The following RFC3 variants were observed in gnomAD, a reference collection of about 807,000 sequenced individuals.
RFC3 encodes the protein A1 38 kDa subunit.
In RFC3, 41 loss-of-function variants were observed where a neutral mutation model predicts 45.1. The ratio of observed to expected loss-of-function variants is 0.91; its 90% CI spans 0.71 to 1.18. RFC3 has a LOEUF of 1.18. Among genes scored for constraint, RFC3 ranks in the 50% most tolerant of loss-of-function variants. The pLI, the probability that RFC3 is intolerant of heterozygous loss-of-function variation, is 0.00. For missense variants in RFC3, 423 were observed against 428.1 expected, an observed-to-expected ratio of 0.99 and a Z score of 0.10; for synonymous variants, 149 against 144.0, an observed-to-expected ratio of 1.03 and a Z score of -0.25.
intron 8 of RFC3, among the ~76,000 whole-genome samples, chr13:33,959,941 G>A (rs568874823): frequency 2.6e-4 from 40 of 152,228 alleles, no homozygotes; most frequent in Admixed American, 2.5e-3. Flanking sequence ...TTTACTCATC[G>A]CAGAAAGCAA....
chr13:33,937,119 C>A (rs1201775974), intron 8 of RFC3, among the ~76,000 whole-genome samples: 1 of 152,084 alleles, frequency 6.6e-6, no homozygotes, highest in Non-Finnish European at 1.5e-5. Flanking sequence ...GTTTCAGATA[C>A]GCGAGGGATC....
At chr13:33,923,696 G>A (rs1453534398) in intron 8 of RFC3, among the ~76,000 whole-genome samples, 1 of 152,082 alleles carries the variant, frequency 6.6e-6, no homozygotes, top group East Asian at 1.9e-4. Context: ...ATGCAATGAC[G>A]AGAGGCCAGG....
chr13:33,915,404 A>G (rs1395907851), intron 8 of RFC3, among the ~76,000 whole-genome samples: 1 of 152,146 alleles, frequency 6.6e-6, no homozygotes, highest in East Asian at 1.9e-4. Context: ...AACCTTGTTC[A>G]GTGCGTGGAC....
At chr13:33,958,467 G>C (rs1187418941) in intron 8 of RFC3, among the ~76,000 whole-genome samples, 1 of 152,172 alleles carries the variant, frequency 6.6e-6, no homozygotes, top group Admixed American at 6.5e-5. Flanking sequence ...ATGTGTTTCA[G>C]TATTTTCACA....
At chr13:33,969,149 A>G (rs1234999322), downstream of RFC3, among the ~76,000 whole-genome samples, 1 of 152,144 alleles carries the variant, frequency 6.6e-6, no homozygotes, top group Non-Finnish European at 1.5e-5. Context: ...ATTGCCTTCA[A>G]CTCCTGATGA....
chr13:33,848,768 G>A (rs1358365156), intron 8 of RFC3: 7 of 151,830 alleles, frequency 4.6e-5, no homozygotes, highest in Admixed American at 2.0e-4. Flanking sequence ...AAAAGCATGG[G>A]TGTCATTCAA....
chr13:33,909,034 GA>G (rs552031761), intron 8 of RFC3, among the ~76,000 whole-genome samples: 112 of 152,000 alleles, frequency 7.4e-4, no homozygotes, highest in Non-Finnish European at 1.5e-3. Flanking sequence ...ATCTTATCCA[GA>G]GTAATGTTCT....
chr13:33,878,572 A>C (rs1399423998), intron 8 of RFC3, among the ~76,000 whole-genome samples: 2 of 152,132 alleles, frequency 1.3e-5, no homozygotes, highest in African/African-American at 2.4e-5. Flanking sequence ...CGAATAGTTC[A>C]GTTTGGGACA....
At position 33,821,150 on chromosome 13, in the gene RFC3, C is replaced by T; in HGVS notation, c.106C>T (p.Pro36Ser). The change falls in exon 2 of 9, where the codon CCT (proline) becomes TCT (serine). Residue 36 changes from proline (P) to serine (S), a missense_variant. Physicochemically the swap from Pro to Ser is moderately conservative, Grantham distance 74. Coordinates refer to ENST00000380071, the MANE Select transcript of RFC3 (RefSeq NM_002915.4). ...LRNLVQCGDF[P>S]HLLVYGPSGA... ...TTTTCAGGTGCAGTGTGGTGACTTT[C>T]CTCATCTGTTAGTGTACGGACCATC... 2.5e-6 allele frequency: 4 copies of T among 1,613,224 alleles called. No homozygotes were observed. Among genetic ancestry groups the T allele is most frequent in the Non-Finnish European group, 2.5e-6 (3 of 1,179,626 alleles).
intron 8 of RFC3, among the ~76,000 whole-genome samples, chr13:33,917,931 G>T (rs2082743726): frequency 6.6e-6 from 1 of 151,988 alleles, no homozygotes; most frequent in Admixed American, 6.6e-5. Context: ...GAATCTGAAG[G>T]ATCTGGTTTT....
chr13:33,973,028 C>G, the RFC3 span, among the ~76,000 whole-genome samples: 1 of 152,046 alleles, frequency 6.6e-6, no homozygotes, highest in Non-Finnish European at 1.5e-5. Context: ...AAATCCATAT[C>G]AGCTTTGAAG....
At chr13:33,959,666 C>T (rs1310150671) in intron 8 of RFC3, among the ~76,000 whole-genome samples, 2 of 152,136 alleles carry the variant, frequency 1.3e-5, no homozygotes, top group Admixed American at 1.3e-4. Context: ...AGACAGTGAT[C>T]TCTGGCACTA....
At position 33,836,185 on chromosome 13, in the gene RFC3, C is replaced by T. The variant is rs143372384; in HGVS notation, c.961C>T (p.Arg321Cys). Residue 321 changes from arginine (R) to cysteine (C), a missense_variant, in exon 9 of 9, where the codon CGT (arginine) becomes TGT (cysteine). Arg to Cys is a radical substitution (Grantham distance 180). Transcript: ENST00000380071. ...ACAAATGGCAGCTTACTATGAGCAT[C>T]GTCTACAGCTGGGTAGCAAAGCCAT... The part of the protein sequence containing the change: ...VAQMAAYYEH[R>C]LQLGSKAIYH... 259 of 1,613,252 alleles carry T rather than the reference C, an allele frequency of 1.6e-4. No homozygotes were observed. The highest frequency in any genetic ancestry group is 2.1e-4 in the Non-Finnish European group (247 of 1,179,490).
intron 8 of RFC3, among the ~76,000 whole-genome samples, chr13:33,855,697 T>C (rs568842830): frequency 6.6e-6 from 1 of 152,298 alleles, no homozygotes; most frequent in African/African-American, 2.4e-5. Flanking sequence ...TATCTCGTTG[T>C]GGCTTTGATT....
intron 2 of RFC3, among the ~76,000 whole-genome samples, chr13:33,822,561 C>G (rs995483886): frequency 6.6e-6 from 1 of 152,116 alleles, no homozygotes; most frequent in African/African-American, 2.4e-5. Context: ...GAGAATTAGA[C>G]AAGTGAAACT....
intron 8 of RFC3, among the ~76,000 whole-genome samples, chr13:33,928,836 G>GC (rs1327168865): frequency 1.3e-5 from 2 of 151,420 alleles, no homozygotes. Context: ...CCAATGTCTG[G>GC]GGGGGGAAGT....
intron 8 of RFC3, among the ~76,000 whole-genome samples, chr13:33,887,414 T>G (rs2137620570): frequency 6.6e-6 from 1 of 152,308 alleles, no homozygotes; most frequent in East Asian, 1.9e-4. Context: ...CATGTGTTTT[T>G]TGGCTGCATA....
intron 8 of RFC3, among the ~76,000 whole-genome samples, chr13:33,859,422 G>A (rs891022365): frequency 1.3e-5 from 2 of 152,042 alleles, no homozygotes; most frequent in Non-Finnish European, 2.9e-5. Context: ...AAAGTATAAA[G>A]TCATTAAATA....
At chr13:33,882,311 T>C (rs1311561905) in intron 8 of RFC3, among the ~76,000 whole-genome samples, 1 of 152,204 alleles carries the variant, frequency 6.6e-6, no homozygotes, top group East Asian at 1.9e-4. Flanking sequence ...TCTGTAAAAC[T>C]TTATCACACG....
Sources: allele counts gnomAD v4.1 joint callset (sites outside exome capture counted in the v4.1 genomes callset), GRCh38; gene constraint gnomAD v4.1.1; transcripts MANE v1.5; gene names NCBI Gene and HGNC (gene_info 2026-07-23, HGNC 2026-07-21).